Variants in SPOCK1 observed in about 807,000 individuals in gnomAD.
SPOCK1 encodes the protein SPARC (osteonectin), cwcv and kazal like domains proteoglycan 1.
In SPOCK1, 23 loss-of-function variants were observed where a neutral mutation model predicts 55.3. The observed-to-expected ratio is 0.42, with a 90% confidence interval of 0.30 to 0.59. SPOCK1 has a LOEUF of 0.59. Ranked by LOEUF, SPOCK1 falls within the 20% of genes least tolerant of loss-of-function variation. SPOCK1 has a pLI of 0.22. For synonymous variants in SPOCK1, 226 were observed against 221.0 expected, an observed-to-expected ratio of 1.02 and a Z score of -0.20; for missense variants, 499 against 552.5, an observed-to-expected ratio of 0.90 and a Z score of 0.97.
chr5:137,249,356 T>C (rs142316440), intron 3 of SPOCK1, among the ~76,000 whole-genome samples: 778 of 152,208 alleles, frequency 5.1e-3, no homozygotes, highest in African/African-American at 0.018. Context: ...AATCCAACAA[T>C]GGAATCATGG....
In SPOCK1 at chr5:137,223,247, A is replaced by G. The variant is rs111676351; in HGVS notation, c.232+43763T>C. ...ATATGAGAAAAATGAACTTTTGATG[A>G]CAAATTAAAGGGGTAGCCCCTATAA... is the stretch of plus-strand genomic sequence containing the variant. On this transcript the variant is annotated intron_variant, in intron 3 of 10. Coordinates refer to ENST00000394945, the MANE Select transcript of SPOCK1 (RefSeq NM_004598.4). Among the ~76,000 whole-genome samples, 350 of 152,240 alleles carry G rather than the reference A, an allele frequency of 2.3e-3. 2 individuals are homozygous for G. Among genetic ancestry groups the G allele is most frequent in the African/African-American group, 6.9e-3 (285 of 41,540 alleles).
At chr5:137,004,543 G>T (rs550746224) in intron 6 of SPOCK1, among the ~76,000 whole-genome samples, 2 of 152,152 alleles carry the variant, frequency 1.3e-5, no homozygotes, top group Admixed American at 1.3e-4. Context: ...GTGATAAAAT[G>T]TTTGCTATTA....
At chr5:137,025,114 G>A (rs1165269741) in intron 6 of SPOCK1, among the ~76,000 whole-genome samples, 1 of 152,116 alleles carries the variant, frequency 6.6e-6, no homozygotes, top group African/African-American at 2.4e-5. Context: ...AGAGAAAATG[G>A]GGCATTACTA....
At chr5:137,113,951 CAAGA>C (rs1020776573) in intron 4 of SPOCK1, among the ~76,000 whole-genome samples, 1 of 152,090 alleles carries the variant, frequency 6.6e-6, no homozygotes, top group Admixed American at 6.5e-5. Flanking sequence ...GGAAAGTGAG[CAAGA>C]AAGAAAGATG....
intron 6 of SPOCK1, among the ~76,000 whole-genome samples, chr5:136,999,403 CCT>C (rs1237543051): frequency 6.6e-6 from 1 of 152,142 alleles, no homozygotes; most frequent in Non-Finnish European, 1.5e-5. Flanking sequence ...CTCCCTGGCC[CCT>C]GTGTCCTCCC....
At chr5:137,170,485 G>C (rs778872060) in intron 3 of SPOCK1, among the ~76,000 whole-genome samples, 2 of 152,234 alleles carry the variant, frequency 1.3e-5, no homozygotes, top group African/African-American at 2.4e-5. Flanking sequence ...TTTGGAGATG[G>C]GGACTTTGGG....
At chr5:137,137,481 G>A (rs1248810032) in intron 4 of SPOCK1, among the ~76,000 whole-genome samples, 1 of 152,188 alleles carries the variant, frequency 6.6e-6, no homozygotes, top group African/African-American at 2.4e-5. Flanking sequence ...CTAAGAGGAA[G>A]ACAAGGAAGG....
intron 6 of SPOCK1, among the ~76,000 whole-genome samples, chr5:137,040,192 A>C (rs891623510): frequency 6.6e-6 from 1 of 152,240 alleles, no homozygotes; most frequent in African/African-American, 2.4e-5. Flanking sequence ...ATCAGTATGA[A>C]TTAGTTTCCA....
intron 2 of SPOCK1, among the ~76,000 whole-genome samples, chr5:137,369,842 T>C (rs572186653): frequency 1.3e-5 from 2 of 152,190 alleles, no homozygotes; most frequent in East Asian, 1.9e-4. Context: ...AATCCCATCA[T>C]GAAGTCTACA....
chr5:137,007,447 GA>G (rs1169886041), intron 6 of SPOCK1, among the ~76,000 whole-genome samples: 3 of 151,794 alleles, frequency 2.0e-5, no homozygotes, highest in Middle Eastern at 3.4e-3. Flanking sequence ...AAATTTATGA[GA>G]AAAAAACAAC....
chr5:137,155,155 G>A (rs932656191), intron 3 of SPOCK1, among the ~76,000 whole-genome samples: 6 of 152,166 alleles, frequency 3.9e-5, no homozygotes, highest in Non-Finnish European at 8.8e-5. Flanking sequence ...CACATGATCC[G>A]TTTTAAGCAT....
chr5:137,038,003 T>G (rs1471304771), intron 6 of SPOCK1, among the ~76,000 whole-genome samples: 1 of 152,192 alleles, frequency 6.6e-6, no homozygotes, highest in Non-Finnish European at 1.5e-5. Flanking sequence ...CAACAGACCT[T>G]TCTACCTAAC....
rs116789878 is a variant in SPOCK1 at position 137,487,525 on chromosome 5, C to T, written c.186+10848G>A. The stretch of plus-strand genomic sequence containing the variant: ...TACATCCACCATTCCTTGTTTGTTC[C>T]ATACCCTTAACACCACTTCAGTTTC... On this transcript the variant is annotated intron_variant, in intron 2 of 10. Transcript: ENST00000394945. Among the ~76,000 whole-genome samples the T allele has an allele frequency of 7.2e-3, 1,092 of 152,304 alleles. 9 individuals carry two copies. Among genetic ancestry groups the T allele is most frequent in the African/African-American group, 0.025 (1,032 of 41,558 alleles).
At chr5:137,458,565 A>G (rs1393474513) in intron 2 of SPOCK1, among the ~76,000 whole-genome samples, 1 of 152,242 alleles carries the variant, frequency 6.6e-6, no homozygotes, top group Admixed American at 6.5e-5. Flanking sequence ...AGATATGGTA[A>G]AAACTCATGT....
chr5:137,323,943 T>A (rs896566814), intron 2 of SPOCK1, among the ~76,000 whole-genome samples: 1 of 152,066 alleles, frequency 6.6e-6, no homozygotes, highest in East Asian at 1.9e-4. Flanking sequence ...AAAAGAGAAC[T>A]ACCACATGAT....
intron 2 of SPOCK1, among the ~76,000 whole-genome samples, chr5:137,410,084 A>T (rs889559552): frequency 6.6e-6 from 1 of 152,200 alleles, no homozygotes; most frequent in African/African-American, 2.4e-5. Context: ...TGAAAACTTC[A>T]CATTCTCCCT....
At chr5:137,252,956 G>A (rs1347349430) in intron 3 of SPOCK1, among the ~76,000 whole-genome samples, 1 of 152,132 alleles carries the variant, frequency 6.6e-6, no homozygotes, top group East Asian at 1.9e-4. Context: ...CAGGTCCTCG[G>A]TGGTTACTCT....
At chr5:137,331,280 G>A (rs1758175320) in intron 2 of SPOCK1, among the ~76,000 whole-genome samples, 1 of 152,150 alleles carries the variant, frequency 6.6e-6, no homozygotes, top group African/African-American at 2.4e-5. Flanking sequence ...GGTGAACAAA[G>A]GGATCCATAA....
At chr5:137,318,555 C>T (rs888386207) in intron 2 of SPOCK1, among the ~76,000 whole-genome samples, 1 of 152,156 alleles carries the variant, frequency 6.6e-6, no homozygotes, top group East Asian at 1.9e-4. Context: ...CTCCCTGTAA[C>T]TAGGGTTCTG....
Sources: allele counts gnomAD v4.1 joint callset (sites outside exome capture counted in the v4.1 genomes callset), GRCh38; gene constraint gnomAD v4.1.1; transcripts MANE v1.5; gene names NCBI Gene and HGNC (gene_info 2026-07-23, HGNC 2026-07-21).